The following RPS6KA2 variants were observed in gnomAD, a reference collection of about 807,000 sequenced individuals.
The protein encoded by RPS6KA2 is ribosomal protein S6 kinase A2, also known as ribosomal protein S6 kinase alpha-2.
In RPS6KA2, 42 loss-of-function variants were observed where a neutral mutation model predicts 91.8. The observed-to-expected ratio is 0.46, with a 90% confidence interval of 0.36 to 0.59. The LOEUF is 0.59. RPS6KA2 is among the 20% of genes least tolerant of loss of function. The probability of loss-of-function intolerance (pLI) is 0.00; values close to 1 mark genes in which losing one functional copy is unlikely to be tolerated. For synonymous variants in RPS6KA2, 414 were observed against 393.6 expected (o/e 1.05, Z -0.61); for missense variants, 798 against 978.5 (o/e 0.82, Z 2.46).
At position 166,635,067 on chromosome 6, in the gene RPS6KA2, T is replaced by G. The variant is rs548289941; in HGVS notation, c.124-96283A>C. Among the ~76,000 whole-genome samples, 1 of 152,346 alleles carries G rather than the reference T, an allele frequency of 6.6e-6. No homozygotes were observed. The highest frequency in any genetic ancestry group is 1.5e-5 in the Non-Finnish European group (1 of 68,034). ...TAAATTATAATAATTTTAAAAAGAC[T>G]TGTGATAACGGAGAGCCAACGGTAG... On this transcript the variant is annotated intron_variant, in intron 2 of 21. Transcript: ENST00000503859. The surrounding 1 kb of genome is among the most constrained non-coding windows in gnomAD (Gnocchi z 4.8).
intron 2 of RPS6KA2, among the ~76,000 whole-genome samples, chr6:166,834,322 G>A (rs182530331): frequency 7.9e-5 from 12 of 152,052 alleles, no homozygotes; most frequent in South Asian, 2.1e-4. Flanking sequence ...CTCATTTGCC[G>A]TTCTCATGTC....
chr6:166,608,501 T>A (rs3799578), intron 1 of RPS6KA2, among the ~76,000 whole-genome samples: 18,737 of 152,222 alleles, frequency 0.12, 1,240 homozygotes, highest in East Asian at 0.31. Flanking sequence ...TTTCTAGTTA[T>A]TGAATTCAGG....
intron 2 of RPS6KA2, among the ~76,000 whole-genome samples, chr6:166,757,088 A>G (rs2128601532): frequency 6.6e-6 from 1 of 152,306 alleles, no homozygotes; most frequent in East Asian, 1.9e-4. Flanking sequence ...AAAAGCAGAA[A>G]CAATTTTTTA....
rs566056008 is a variant in RPS6KA2 at position 166,497,847 on chromosome 6, C to T, written c.747+661G>A. Among the ~76,000 whole-genome samples the T allele has an allele frequency of 9.1e-4, 138 of 152,296 alleles. 1 individual carries two copies. Among genetic ancestry groups the T allele is most frequent in the Middle Eastern group, 6.8e-3 (2 of 294 alleles). ...TTCCTCCTGTGTGTGATGCACAGGCCGGAGGGCGGGATACCCCTGAAATGC... is the reference window on the plus strand; with the variant it reads ...TTCCTCCTGTGTGTGATGCACAGGCTGGAGGGCGGGATACCCCTGAAATGC... On this transcript the variant is annotated intron_variant, in intron 8 of 20. Transcript: ENST00000265678.
chr6:166,638,499 A>G (rs1011689681), intron 2 of RPS6KA2, among the ~76,000 whole-genome samples: 1 of 152,286 alleles, frequency 6.6e-6, no homozygotes, highest in Non-Finnish European at 1.5e-5. Flanking sequence ...GAGCACGTGT[A>G]CCATTTATTA....
chr6:166,446,225 G>A (rs1359977879), intron 14 of RPS6KA2, among the ~76,000 whole-genome samples: 13 of 152,224 alleles, frequency 8.5e-5, no homozygotes, highest in Admixed American at 2.6e-4. Flanking sequence ...TGTTGTCACC[G>A]CTCCCTTGAC....
At chr6:166,556,865 A>C (rs1316005399) in intron 1 of RPS6KA2, among the ~76,000 whole-genome samples, 3 of 152,212 alleles carry the variant, frequency 2.0e-5, no homozygotes, top group Non-Finnish European at 4.4e-5. Flanking sequence ...TCTTTGTAAA[A>C]GTACAATCCC....
chr6:166,688,558 G>A (rs1789095624), intron 2 of RPS6KA2, among the ~76,000 whole-genome samples: 1 of 152,226 alleles, frequency 6.6e-6, no homozygotes, highest in African/African-American at 2.4e-5. Context: ...CACTGGGTTT[G>A]GAGGATGAAA....
chr6:166,465,976 G>A (rs757994852), intron 11 of RPS6KA2, among the ~76,000 whole-genome samples: 4 of 152,228 alleles, frequency 2.6e-5, no homozygotes, highest in Non-Finnish European at 5.9e-5. Context: ...ACAAGAGCCT[G>A]CCATTCCTCT....
chr6:166,543,914 A>C (rs552050313), intron 1 of RPS6KA2, among the ~76,000 whole-genome samples: 8 of 152,304 alleles, frequency 5.3e-5, no homozygotes, highest in African/African-American at 9.6e-5. Context: ...ATTGGGATGG[A>C]GCTCCTTAAA....
chr6:166,713,527 C>G (rs533411255), intron 2 of RPS6KA2, among the ~76,000 whole-genome samples: 1 of 152,272 alleles, frequency 6.6e-6, no homozygotes, highest in East Asian at 1.9e-4. Context: ...GCGTAGATAT[C>G]TGGGTCACAG....
At chr6:166,843,137 CTG>C (rs1432393335) in intron 2 of RPS6KA2, among the ~76,000 whole-genome samples, 2 of 152,132 alleles carry the variant, frequency 1.3e-5, no homozygotes, top group Non-Finnish European at 2.9e-5. Context: ...TCCTGGTGAT[CTG>C]TGTGATGCAG....
At chr6:166,608,185 T>A (rs1427633483) in intron 1 of RPS6KA2, among the ~76,000 whole-genome samples, 1 of 152,152 alleles carries the variant, frequency 6.6e-6, no homozygotes, top group Non-Finnish European at 1.5e-5. Flanking sequence ...TGGCTTAGTG[T>A]ATGATAAGTA....
intron 10 of RPS6KA2, among the ~76,000 whole-genome samples, chr6:166,480,479 TTATATATATATATATA>T (rs3066214): frequency 5.0e-5 from 5 of 99,860 alleles, no homozygotes; most frequent in East Asian, 2.5e-4. Flanking sequence ...GATTGTGATT[TTATATATATATATATA>T]TATATATATA....
chr6:166,534,019 G>C (rs989514434), intron 2 of RPS6KA2, among the ~76,000 whole-genome samples: 16 of 152,176 alleles, frequency 1.1e-4, no homozygotes, highest in African/African-American at 3.6e-4. Context: ...TCAGGAGATT[G>C]AGACCATTCT....
chr6:166,661,024 C>T (rs1449719754), intron 2 of RPS6KA2, among the ~76,000 whole-genome samples: 1 of 152,116 alleles, frequency 6.6e-6, no homozygotes, highest in East Asian at 1.9e-4. Flanking sequence ...ATAATCTTAC[C>T]TCGTGTTTCT....
At chr6:166,717,570 A>C (rs898657236) in intron 2 of RPS6KA2, among the ~76,000 whole-genome samples, 7 of 152,206 alleles carry the variant, frequency 4.6e-5, no homozygotes, top group African/African-American at 9.7e-5. Flanking sequence ...GACCACTGGC[A>C]GTGACAGATC....
At chr6:166,813,601 G>T (rs996936097) in intron 2 of RPS6KA2, among the ~76,000 whole-genome samples, 1 of 152,158 alleles carries the variant, frequency 6.6e-6, no homozygotes, top group African/African-American at 2.4e-5. Flanking sequence ...GAAACCTGCA[G>T]GAGAACCCTT....
At chr6:166,438,072 C>T (rs958956796) in intron 14 of RPS6KA2, among the ~76,000 whole-genome samples, 4 of 152,260 alleles carry the variant, frequency 2.6e-5, no homozygotes, top group South Asian at 2.1e-4. Flanking sequence ...GGATCAGTAT[C>T]GTATTTGACA....
Sources: gnomAD v4.1 joint callset for allele counts (sites outside exome capture counted in the v4.1 genomes callset) on GRCh38, gnomAD v4.1.1 for gene constraint, Gnocchi (gnomAD v3.1) non-coding constraint, MANE v1.5 for transcripts, NCBI Gene and HGNC (gene_info 2026-07-23, HGNC 2026-07-21) for gene names.